The following PCDHGB5 variants were observed in gnomAD, a reference collection of about 807,000 sequenced individuals.
The protein encoded by PCDHGB5 is protocadherin gamma-B5.
PCDHGB5 carries 48 observed loss-of-function variants against 62.9 expected under a neutral mutation model. That is an observed-to-expected ratio of 0.76 (90% CI 0.61 to 0.97). The LOEUF (loss-of-function observed/expected upper bound fraction) is 0.97. Among genes scored for constraint, PCDHGB5 ranks in the 50% least tolerant of loss-of-function variants. The pLI, the probability that PCDHGB5 is intolerant of heterozygous loss-of-function variation, is 0.00. For missense variants in PCDHGB5, 1,118 were observed against 1,198.6 expected (o/e 0.93, Z 0.99); for synonymous variants, 474 against 511.2 (o/e 0.93, Z 0.98).
At chr5:141,469,362 G>GT (rs1212141268) in intron 1 of PCDHGB5, among the ~76,000 whole-genome samples, 4 of 152,084 alleles carry the variant, frequency 2.6e-5, no homozygotes, top group Non-Finnish European at 5.9e-5. Flanking sequence ...GGATCATGAG[G>GT]TAAAGAGATC....
intron 1 of PCDHGB5, chr5:141,478,282 G>A: frequency 6.2e-7 from 1 of 1,614,184 alleles, no homozygotes; most frequent in Non-Finnish European, 8.5e-7. Flanking sequence ...AGTGGAAGCA[G>A]TCTAGAGACC....
intron 1 of PCDHGB5, chr5:141,422,658 C>T (rs2096662185): frequency 6.2e-7 from 1 of 1,609,912 alleles, no homozygotes; most frequent in Non-Finnish European, 8.5e-7. Context: ...CAGTGACCGC[C>T]CTCGACCCGG....
At chr5:141,408,615 T>A in intron 1 of PCDHGB5, 1 of 1,613,940 alleles carries the variant, frequency 6.2e-7, no homozygotes, top group Non-Finnish European at 8.5e-7. Flanking sequence ...AAAAAGGAAA[T>A]ACATTTAGAA....
rs750200042 is a variant in PCDHGB5, at chr5:141,418,821, C to A, written c.2397+18297C>A. On this transcript the variant is annotated intron_variant, in intron 1 of 3. Coordinates refer to ENST00000617380, the MANE Select transcript of PCDHGB5 (RefSeq NM_018925.3). ...GAAAGATATACGATAAACATAGAAG[C>A]AAAAGACCGAGGATCTCTCTCAACA... 8.1e-6 allele frequency: 13 copies of A among 1,613,846 alleles called. 1 individual carries two copies. The highest frequency in any genetic ancestry group is 1.6e-4 in the Middle Eastern group (1 of 6,062).
chr5:141,399,529 G>C lies in PCDHGB5; in HGVS notation c.1402G>C (p.Ala468Pro). The C allele has an allele frequency of 6.2e-7, 1 of 1,614,010 alleles. No homozygotes were observed. The highest frequency in any genetic ancestry group is 1.3e-5 in the African/African-American group (1 of 75,068). The change falls in exon 1 of 4, where the codon GCG becomes CCG. Residue 468 changes from alanine to proline, a missense_variant. This residue lies in a region of PCDHGB5 where 1,034 missense variants were observed against 1,029.1 expected (regional missense o/e 1.00). Coordinates refer to ENST00000617380, the MANE Select transcript of PCDHGB5 (RefSeq NM_018925.3). ...AAACAACCCTCCTGGGGCCTCCATC[G>C]CGCAAGTCTGCGCCTCGGACCTGGA... Reference protein sequence around the residue: ...PENNPPGASIAQVCASDLDLG... With the variant: ...PENNPPGASIPQVCASDLDLG...
In PCDHGB5 at chr5:141,432,512, G is replaced by A. The variant is rs751785850; in HGVS notation, c.2397+31988G>A. ...GCTGGCTCCCCGCTCCGCAGAGCCC[G>A]GCTACCTGGTGACCAAGGTGGTGGC... On this transcript the variant is annotated intron_variant, in intron 1 of 3. Transcript: ENST00000617380. The surrounding 1 kb of genome is among the most constrained non-coding windows in gnomAD (Gnocchi z 6.0). 3 of 1,614,108 alleles carry A rather than the reference G, an allele frequency of 1.9e-6. No homozygotes were observed. Among genetic ancestry groups the A allele is most frequent in the Non-Finnish European group, 2.5e-6 (3 of 1,180,030 alleles).
chr5:141,443,274 A>G (rs1259320198), intron 1 of PCDHGB5, among the ~76,000 whole-genome samples: 12 of 151,534 alleles, frequency 7.9e-5, no homozygotes, highest in African/African-American at 1.7e-4. Context: ...TGAGCCCAGG[A>G]GTTTGAGACC....
At chr5:141,417,648 T>A in intron 1 of PCDHGB5, 5 of 818,672 alleles carry the variant, frequency 6.1e-6, no homozygotes, top group Non-Finnish European at 9.1e-6. Flanking sequence ...TCCCTCAGCC[T>A]CTAGCCTGGG....
In PCDHGB5 at chr5:141,510,989, C is replaced by A. The variant is rs2099883548; in HGVS notation, c.2588C>A (p.Thr863Asn). The A allele has an allele frequency of 1.2e-6, 2 of 1,614,198 alleles. No homozygotes were observed. The highest frequency in any genetic ancestry group is 1.7e-6 in the Non-Finnish European group (2 of 1,180,022). ...TCCACCCTGGGAGGGGGTGCCGGCA[C>A]CATGGGATTGAGCGCCCGCTACGGA... is the stretch of plus-strand genomic sequence containing the variant. ...GSSTLGGGAG[T>N]MGLSARYGPQ... Residue 863 changes from threonine to asparagine, a missense_variant, in exon 4 of 4, where the codon ACC becomes AAC. Thr to Asn is a moderately conservative substitution (Grantham distance 65, BLOSUM62 0). Transcript: ENST00000617380.
chr5:141,403,601 G>A, intron 1 of PCDHGB5: 1 of 1,613,814 alleles, frequency 6.2e-7, no homozygotes, highest in Non-Finnish European at 8.5e-7. Flanking sequence ...GGCCTCGGAT[G>A]GCGGCGAGCC....
chr5:141,404,908 C>T, intron 1 of PCDHGB5: 1 of 1,613,882 alleles, frequency 6.2e-7, no homozygotes, highest in Non-Finnish European at 8.5e-7. Context: ...ATGGCCAGCC[C>T]CCTCTCTCGG....
chr5:141,467,715 G>C (rs904101145), intron 1 of PCDHGB5, among the ~76,000 whole-genome samples: 1 of 152,022 alleles, frequency 6.6e-6, no homozygotes, highest in Non-Finnish European at 1.5e-5. Flanking sequence ...AGGCTGGAGT[G>C]TAGTGGCACA....
At chr5:141,427,188 A>G (rs1346514063) in intron 1 of PCDHGB5, 1 of 456,744 alleles carries the variant, frequency 2.2e-6, no homozygotes, top group Admixed American at 2.3e-5. Flanking sequence ...AATTAAATCC[A>G]AAGACTTAAT....
chr5:141,433,906 A>G (rs1218318743), intron 1 of PCDHGB5, among the ~76,000 whole-genome samples: 1 of 151,412 alleles, frequency 6.6e-6, no homozygotes, highest in Non-Finnish European at 1.5e-5. Flanking sequence ...ATCACTTATT[A>G]CAATCACCTC....
chr5:141,462,656 A>G (rs1427673992), intron 1 of PCDHGB5, among the ~76,000 whole-genome samples: 2 of 151,950 alleles, frequency 1.3e-5, no homozygotes, highest in African/African-American at 4.8e-5. Context: ...ATCCTCAATT[A>G]TCTTCATATT....
chr5:141,403,370 G>T (rs752870915), intron 1 of PCDHGB5: 25 of 1,614,064 alleles, frequency 1.5e-5, no homozygotes, highest in Non-Finnish European at 1.9e-5. Flanking sequence ...AAGTCTGGAA[G>T]TAAAAATTAA....
At chr5:141,417,699 C>A (rs2096148616) in intron 1 of PCDHGB5, 1 of 1,164,548 alleles carries the variant, frequency 8.6e-7, no homozygotes, top group Non-Finnish European at 1.2e-6. Context: ...AACCAGCTCC[C>A]ACACAGAGGC....
In PCDHGB5 at chr5:141,490,347, G is replaced by T; in HGVS notation, c.2398-4460G>T. On this transcript the variant is annotated intron_variant, in intron 1 of 3. Coordinates refer to ENST00000617380, the MANE Select transcript of PCDHGB5 (RefSeq NM_018925.3). This position sits in a 1 kb window ranked among gnomAD's most constrained non-coding sequence, Gnocchi z 5.4. ...AGAGCACACCAGTGGGCACAGTAGT[G>T]GGGTTGTTTAATGTGCGAGACCGGG... 1 of 1,614,180 alleles carries T rather than the reference G, an allele frequency of 6.2e-7. No homozygotes were observed.
chr5:141,413,150 T>C, intron 1 of PCDHGB5: 1 of 1,573,292 alleles, frequency 6.4e-7, no homozygotes. Context: ...AGTGAGGACT[T>C]TGCAGAATTC....
Sources: gnomAD v4.1 joint callset for allele counts (sites outside exome capture counted in the v4.1 genomes callset) on GRCh38, gnomAD v4.1.1 for gene constraint, gnomAD v4.1.1 regional missense constraint, Gnocchi (gnomAD v3.1) non-coding constraint, MANE v1.5 for transcripts, NCBI Gene and HGNC (gene_info 2026-07-23, HGNC 2026-07-21) for gene names.